ZNF385B: variants seen among roughly 807,000 people sequenced by gnomAD.
ZNF385B encodes the protein zinc finger protein 385B.
In ZNF385B, 23 loss-of-function variants were observed where a neutral mutation model predicts 39.2. The observed-to-expected ratio is 0.59, with a 90% CI of 0.42 to 0.83. The LOEUF (loss-of-function observed/expected upper bound fraction) is 0.83, where lower values mean the gene tolerates loss of function less well. Among genes scored for constraint, ZNF385B ranks in the 40% least tolerant of loss-of-function variants. The pLI, the probability that ZNF385B is intolerant of heterozygous loss-of-function variation, is 0.00. For synonymous variants in ZNF385B, 205 were observed against 222.6 expected, an observed-to-expected ratio of 0.92 and a Z score of 0.70; for missense variants, 552 against 598.9, an observed-to-expected ratio of 0.92 and a Z score of 0.82.
intron 3 of ZNF385B, among the ~76,000 whole-genome samples, chr2:179,586,219 C>G (rs777644940): frequency 6.6e-6 from 1 of 152,146 alleles, no homozygotes; most frequent in African/African-American, 2.4e-5. Context: ...TCACCTAAAC[C>G]CAGATAGGAT....
chr2:179,716,891 T>C (rs1368802876), intron 3 of ZNF385B, among the ~76,000 whole-genome samples: 1 of 152,182 alleles, frequency 6.6e-6, no homozygotes, highest in African/African-American at 2.4e-5. Flanking sequence ...CAGAGAGACA[T>C]CCAGCTTGTT....
intron 3 of ZNF385B, among the ~76,000 whole-genome samples, chr2:179,654,365 G>T (rs908898211): frequency 2.0e-5 from 3 of 152,116 alleles, no homozygotes; most frequent in Admixed American, 6.6e-5. Context: ...GAAAACTTAG[G>T]TCTCCTATTT....
At position 179,794,553 on chromosome 2, in the gene ZNF385B, C is replaced by A. The variant is rs114022995; in HGVS notation, c.-154-23881G>T. 3.2e-3 allele frequency among the ~76,000 whole-genome samples: 486 copies of A among 152,216 alleles called. 3 individuals are homozygous for A. Among genetic ancestry groups the A allele is most frequent in the African/African-American group, 0.011 (469 of 41,538 alleles). ...CGTCATGTAAGTGACGTTTTCTTCC[C>A]CCAAAGGACACATTTATTGCCTCCT... On this transcript the variant is annotated intron_variant, in intron 1 of 9. Coordinates refer to ENST00000410066, the MANE Select transcript of ZNF385B (RefSeq NM_152520.6).
intron 1 of ZNF385B, among the ~76,000 whole-genome samples, chr2:179,805,834 G>A (rs1286754163): frequency 6.6e-6 from 1 of 152,180 alleles, no homozygotes; most frequent in Non-Finnish European, 1.5e-5. Context: ...TTACATAATG[G>A]ATAGACAAAG....
At chr2:179,728,908 C>T (rs1701194882) in intron 3 of ZNF385B, among the ~76,000 whole-genome samples, 1 of 151,892 alleles carries the variant, frequency 6.6e-6, no homozygotes, top group Admixed American at 6.6e-5. Flanking sequence ...ACTCAGGTAG[C>T]ACAAGTACTT....
intron 3 of ZNF385B, chr2:179,746,004 C>A: frequency 5.2e-6 from 6 of 1,156,700 alleles, no homozygotes; most frequent in Middle Eastern, 3.6e-4. Flanking sequence ...AGAGCAATTT[C>A]AATTCTATAT....
intron 3 of ZNF385B, among the ~76,000 whole-genome samples, chr2:179,726,621 C>T (rs574175124): frequency 6.6e-6 from 1 of 152,126 alleles, no homozygotes; most frequent in African/African-American, 2.4e-5. Flanking sequence ...TTACAAGTCA[C>T]CCTTGAGTGC....
chr2:179,487,557 T>G (rs1299576471), intron 5 of ZNF385B, among the ~76,000 whole-genome samples: 1 of 151,606 alleles, frequency 6.6e-6, no homozygotes, highest in Admixed American at 6.6e-5. Flanking sequence ...AATTGAGGAG[T>G]GAAAGAAACA....
chr2:179,518,615 A>G lies in ZNF385B; in HGVS notation c.465T>C (p.Val155=). ...TGGATACTCCAAATGTATGGTTAAT[A>G]ACCGCTTTTTGCACAGGATCCATCT... ...FNTMDPVQKA[V]INHTFGVSIP... is the part of the protein sequence containing the mutation. The change falls in exon 5 of 10, where the codon GTT becomes GTC. Residue 155 remains valine, a synonymous_variant. Transcript: ENST00000410066. 1 of 1,600,102 alleles carries G rather than the reference A, an allele frequency of 6.2e-7. No individual in the cohort carries two copies. Among genetic ancestry groups the G allele is most frequent in the Non-Finnish European group, 8.5e-7 (1 of 1,175,550 alleles).
chr2:179,768,689 T>C (rs528150501), intron 3 of ZNF385B, among the ~76,000 whole-genome samples: 4 of 152,344 alleles, frequency 2.6e-5, no homozygotes, highest in African/African-American at 9.6e-5. Flanking sequence ...GAAGACTGTC[T>C]TTTGTAGAAA....
intron 3 of ZNF385B, among the ~76,000 whole-genome samples, chr2:179,591,996 A>T (rs1687605622): frequency 6.6e-6 from 1 of 152,102 alleles, no homozygotes; most frequent in Non-Finnish European, 1.5e-5. Flanking sequence ...GGTGTTGTTA[A>T]CAGCAATATA....
chr2:179,662,357 A>AT (rs1694593173), intron 3 of ZNF385B, among the ~76,000 whole-genome samples: 2 of 142,464 alleles, frequency 1.4e-5, no homozygotes, highest in South Asian at 4.5e-4. Flanking sequence ...GTTTATGGGT[A>AT]ATTTTTTTTT....
intron 3 of ZNF385B, among the ~76,000 whole-genome samples, chr2:179,682,311 C>T (rs1483125485): frequency 6.6e-6 from 1 of 152,178 alleles, no homozygotes; most frequent in African/African-American, 2.4e-5. Context: ...CCTCTATTTC[C>T]ACATGCAGGG....
intron 5 of ZNF385B, among the ~76,000 whole-genome samples, chr2:179,504,170 T>A (rs1348089225): frequency 1.3e-5 from 2 of 151,672 alleles, no homozygotes; most frequent in Non-Finnish European, 2.9e-5. Flanking sequence ...AATGATGATT[T>A]CCAATTTCAT....
intron 3 of ZNF385B, among the ~76,000 whole-genome samples, chr2:179,686,871 G>A (rs1002822386): frequency 4.0e-5 from 6 of 151,536 alleles, no homozygotes; most frequent in Admixed American, 6.6e-5. Context: ...CTACAGCACA[G>A]TTCATCTGTG....
intron 4 of ZNF385B, among the ~76,000 whole-genome samples, chr2:179,527,851 A>G (rs1241046616): frequency 6.6e-6 from 1 of 152,188 alleles, no homozygotes; most frequent in Non-Finnish European, 1.5e-5. Flanking sequence ...TAGGCTTTCA[A>G]ATATCCAACA....
intron 3 of ZNF385B, among the ~76,000 whole-genome samples, chr2:179,614,736 C>T (rs1218541298): frequency 2.0e-5 from 3 of 152,164 alleles, no homozygotes; most frequent in Non-Finnish European, 4.4e-5. Context: ...GGTCTTCCGT[C>T]AGGGGCTAGA....
chr2:179,596,983 A>C (rs1286725536), intron 3 of ZNF385B, among the ~76,000 whole-genome samples: 1 of 152,196 alleles, frequency 6.6e-6, no homozygotes, highest in Non-Finnish European at 1.5e-5. Flanking sequence ...TGAAGGAGAC[A>C]ATTCCACTAA....
intron 1 of ZNF385B, among the ~76,000 whole-genome samples, chr2:179,829,606 T>C (rs1043048040): frequency 3.3e-5 from 5 of 152,086 alleles, no homozygotes; most frequent in South Asian, 2.1e-4. Context: ...CTCCGCCTCC[T>C]GGGTTCAGGC....
Sources: allele counts gnomAD v4.1 joint callset (sites outside exome capture counted in the v4.1 genomes callset), GRCh38; gene constraint gnomAD v4.1.1; transcripts MANE v1.5; gene names NCBI Gene and HGNC (gene_info 2026-07-23, HGNC 2026-07-21).